Variants in MORN5 observed in about 807,000 individuals in gnomAD.
The protein encoded by MORN5 is MORN repeat containing 5, also known as MORN repeat-containing protein 5.
In MORN5, 21 loss-of-function variants were observed where a neutral mutation model predicts 22.1. The observed-to-expected ratio is 0.95, with a 90% confidence interval of 0.67 to 1.37. The LOEUF (loss-of-function observed/expected upper bound fraction) is 1.37, where lower values mean the gene tolerates loss of function less well. Ranked by LOEUF, MORN5 falls within the 40% of genes most tolerant of loss-of-function variation. MORN5 has a pLI of 0.00. For missense variants in MORN5, 211 were observed against 215.1 expected, an observed-to-expected ratio of 0.98 and a Z score of 0.12; for synonymous variants, 73 against 74.0, an observed-to-expected ratio of 0.99 and a Z score of 0.07.
chr9:122,169,675 T>C lies in MORN5; in HGVS notation c.226T>C (p.Tyr76His), dbSNP rs182621329. Reference sequence around the variant, plus strand: ...ATATACGTTCTCAGATGGGCTGCACTATGATGAGAAAAACTGGCATTACTG... The same window carrying C: ...ATATACGTTCTCAGATGGGCTGCACCATGATGAGAAAAACTGGCATTACTG... ...GTYTFSDGLH[Y>H]DEKNWHYCDG... Residue 76 changes from tyrosine to histidine, a missense_variant, in exon 3 of 5, where the codon TAT becomes CAT. Tyr to His is a moderately conservative substitution (Grantham distance 83). Transcript: ENST00000373764. 8.1e-4 allele frequency: 1,304 copies of C among 1,614,060 alleles called. 11 individuals carry two copies. The highest frequency in any genetic ancestry group is 2.3e-4 in the Non-Finnish European group (266 of 1,179,956).
chr9:122,190,900 C>T (rs932572626), intron 4 of MORN5, among the ~76,000 whole-genome samples: 1 of 152,270 alleles, frequency 6.6e-6, no homozygotes, highest in African/African-American at 2.4e-5. Flanking sequence ...TGCATTTGCA[C>T]AGAGGGTGTG....
At chr9:122,176,293 T>C (rs1457961403) in intron 4 of MORN5, among the ~76,000 whole-genome samples, 2 of 152,058 alleles carry the variant, frequency 1.3e-5, no homozygotes, top group Middle Eastern at 3.2e-3. Context: ...ATTTGCACAA[T>C]GCACTACTAT....
At chr9:122,174,723 A>G (rs878919259) in intron 4 of MORN5, 96 bp downstream of exon 4, 1 of 1,604,284 alleles carries the variant, frequency 6.2e-7, no homozygotes, top group Non-Finnish European at 8.5e-7. Flanking sequence ...TTGATGAGAA[A>G]GAAGCTTTTG....
chr9:122,166,883 G>A lies in MORN5; in HGVS notation c.163G>A (p.Asp55Asn), dbSNP rs138145529. The A allele has an allele frequency of 2.5e-6, 4 of 1,613,810 alleles. No individual in the cohort carries two copies. Among genetic ancestry groups the A allele is most frequent in the African/African-American group, 2.7e-5 (2 of 75,010 alleles). The stretch of plus-strand genomic sequence containing the variant: ...GTACTTCCCCAGCGGAAGCCAATAC[G>A]ACGCCATTTGGGAAAACGGATTGGC... ...TLYFPSGSQY[D>N]AIWENGLAIK... Residue 55 changes from aspartate to asparagine, a missense_variant, in exon 2 of 5, where the codon GAC becomes AAC. Coordinates refer to ENST00000373764, the MANE Select transcript of MORN5 (RefSeq NM_198469.4).
chr9:122,199,912 G>C lies in MORN5; in HGVS notation c.467G>C (p.Arg156Pro), dbSNP rs374514194. Residue 156 changes from arginine (R) to proline (P), a missense_variant, in exon 5 of 5, where the codon CGT becomes CCT. By Grantham distance (103) the Arg-to-Pro change is moderately radical. Coordinates refer to ENST00000373764, the MANE Select transcript of MORN5 (RefSeq NM_198469.4). ...GATGACGAGCATGAGTGGATCACCC[G>C]TACCTGTCGAAAGGGCTAGGATGAG... ...ADDDEHEWITRTCRKG is the reference protein window; with the variant it reads ...ADDDEHEWITPTCRKG 6.2e-7 allele frequency: 1 copy of C among 1,613,896 alleles called. No individual in the cohort carries two copies. Among genetic ancestry groups the C allele is most frequent in the East Asian group, 2.2e-5 (1 of 44,864 alleles).
intron 4 of MORN5, among the ~76,000 whole-genome samples, chr9:122,192,346 C>A (rs1430534507): frequency 6.6e-6 from 1 of 152,186 alleles, no homozygotes; most frequent in Admixed American, 6.5e-5. Context: ...AGACAGGCAT[C>A]TTTGTAGATG....
chr9:122,182,874 C>G (rs762254803), intron 4 of MORN5, among the ~76,000 whole-genome samples: 7 of 152,252 alleles, frequency 4.6e-5, no homozygotes, highest in African/African-American at 1.7e-4. Context: ...AAAACTTGCT[C>G]GTGTCACACA....
At chr9:122,175,564 AAT>A in intron 4 of MORN5, 1 of 985,270 alleles carries the variant, frequency 1.0e-6, no homozygotes, top group Non-Finnish European at 1.2e-6. Context: ...TTGCCAGAAA[AAT>A]GTCCAATGCA....
intron 2 of MORN5, among the ~76,000 whole-genome samples, chr9:122,169,233 T>C (rs192766677): frequency 1.8e-3 from 267 of 152,332 alleles, no homozygotes; most frequent in Non-Finnish European, 3.1e-3. Context: ...TTTTACCAGC[T>C]ATCTGGGCAT....
rs904097343 is a variant in MORN5, at chr9:122,197,521, G to A, written c.440-2364G>A. ...CCAGGGGAGCCGCAGAGAGGCGCAG[G>A]GGAGGCGGAGGGAGGGGTTGGTGAG... On this transcript the variant is annotated intron_variant, in intron 4 of 4. Coordinates refer to ENST00000373764, the MANE Select transcript of MORN5 (RefSeq NM_198469.4). This position sits in a 1 kb window ranked among gnomAD's most constrained non-coding sequence, Gnocchi z 5.7. 6.6e-6 allele frequency among the ~76,000 whole-genome samples: 1 copy of A among 152,204 alleles called. No homozygotes were observed. Among genetic ancestry groups the A allele is most frequent in the African/African-American group, 2.4e-5 (1 of 41,456 alleles).
intron 4 of MORN5, among the ~76,000 whole-genome samples, chr9:122,194,302 A>T (rs1449051484): frequency 6.6e-6 from 1 of 151,956 alleles, no homozygotes; most frequent in African/African-American, 2.4e-5. Context: ...TGTGCCAGAC[A>T]CTCCCCTAAG....
intron 4 of MORN5, among the ~76,000 whole-genome samples, chr9:122,189,604 T>A (rs1387937486): frequency 6.6e-6 from 1 of 151,696 alleles, no homozygotes; most frequent in Admixed American, 6.6e-5. Flanking sequence ...TCTATAAAAA[T>A]TTTTTTTCTT....
chr9:122,184,638 C>G (rs550507037), intron 4 of MORN5, among the ~76,000 whole-genome samples: 1 of 152,236 alleles, frequency 6.6e-6, no homozygotes, highest in Non-Finnish European at 1.5e-5. Flanking sequence ...TTGCCAACTG[C>G]TTACTGTGTT....
At chr9:122,161,360 TG>T (rs1829196329) in intron 1 of MORN5, among the ~76,000 whole-genome samples, 1 of 152,186 alleles carries the variant, frequency 6.6e-6, no homozygotes, top group Non-Finnish European at 1.5e-5. Flanking sequence ...GCAAGGAAGA[TG>T]TTATTATCTT....
At chr9:122,191,735 A>G (rs1382970440) in intron 4 of MORN5, among the ~76,000 whole-genome samples, 1 of 152,258 alleles carries the variant, frequency 6.6e-6, no homozygotes, top group East Asian at 1.9e-4. Context: ...AGTGACCCCA[A>G]TCCGCCTGCT....
At chr9:122,160,425 G>A (rs1297857990) in intron 1 of MORN5, among the ~76,000 whole-genome samples, 1 of 152,094 alleles carries the variant, frequency 6.6e-6, no homozygotes. Flanking sequence ...GAATCTACAC[G>A]GTCGCTTCCT....
In MORN5 at chr9:122,185,581, C is replaced by T. The variant is rs538972666; in HGVS notation, c.439+10954C>T. The stretch of plus-strand genomic sequence containing the variant: ...TTCACCGTGTTAGCCAGGATGGTCT[C>T]GATCTCCTGACCTCGTGATCCGCCC... On this transcript the variant is annotated intron_variant, in intron 4 of 4. Coordinates refer to ENST00000373764, the MANE Select transcript of MORN5 (RefSeq NM_198469.4). Among the ~76,000 whole-genome samples the T allele has an allele frequency of 1.4e-4, 21 of 152,012 alleles. 1 individual carries two copies. The South Asian group carries it at 2.1e-3, about 15-fold the overall frequency.
At chr9:122,195,063 G>T (rs1051208023) in intron 4 of MORN5, among the ~76,000 whole-genome samples, 1 of 151,840 alleles carries the variant, frequency 6.6e-6, no homozygotes, top group South Asian at 2.1e-4. Context: ...CAAAAATTGT[G>T]ATCTGAGGGG....
At chr9:122,192,019 C>T (rs79876235) in intron 4 of MORN5, among the ~76,000 whole-genome samples, 2,246 of 152,328 alleles carry the variant, frequency 0.015, 53 homozygotes, top group African/African-American at 0.048. Context: ...CACCAAGGGC[C>T]GTTCATCCTG....
Sources: gnomAD v4.1 joint callset for allele counts (sites outside exome capture counted in the v4.1 genomes callset) on GRCh38, gnomAD v4.1.1 for gene constraint, Gnocchi (gnomAD v3.1) non-coding constraint, MANE v1.5 for transcripts, NCBI Gene and HGNC (gene_info 2026-07-23, HGNC 2026-07-21) for gene names.